The following CSGALNACT1 variants were observed in gnomAD, a reference collection of about 807,000 sequenced individuals.
CSGALNACT1 encodes beta4GalNAcT-1.
Under a neutral mutation model 51.0 loss-of-function variants are expected in CSGALNACT1, and 52 were observed. The ratio of observed to expected loss-of-function variants is 1.02; its 90% confidence interval spans 0.82 to 1.29. The LOEUF (loss-of-function observed/expected upper bound fraction) is 1.29. Ranked by LOEUF, CSGALNACT1 falls within the 50% of genes most tolerant of loss-of-function variation. The pLI is 0.00. For synonymous variants in CSGALNACT1, 341 were observed against 254.4 expected (o/e 1.34, Z -3.24); for missense variants, 935 against 679.2 (o/e 1.38, Z -4.19).
intron 1 of CSGALNACT1, among the ~76,000 whole-genome samples, chr8:19,710,412 G>A (rs2062431999): frequency 6.6e-6 from 1 of 152,152 alleles, no homozygotes; most frequent in Non-Finnish European, 1.5e-5. Flanking sequence ...AAAAGAAATA[G>A]ATCGCCTTAA....
intron 4 of CSGALNACT1, among the ~76,000 whole-genome samples, chr8:19,468,290 AT>A (rs2067195237): frequency 6.6e-6 from 1 of 152,206 alleles, no homozygotes; most frequent in Non-Finnish European, 1.5e-5. Flanking sequence ...CCAGCTTGTT[AT>A]GTTTGGCCAC....
chr8:19,687,203 G>C (rs1255985441), upstream of CSGALNACT1, among the ~76,000 whole-genome samples: 3 of 152,072 alleles, frequency 2.0e-5, no homozygotes, highest in Non-Finnish European at 2.9e-5. Context: ...AACCACCAAT[G>C]AGCTTTTTCT....
chr8:19,405,954 G>C, exon 10 of CSGALNACT1: 3 of 1,614,194 alleles, frequency 1.9e-6, no homozygotes, highest in South Asian at 1.1e-5. Context: ...TCTCATGCCA[G>C]AGGTGGAAGA....
chr8:19,652,436 C>A (rs549150711), intron 1 of CSGALNACT1, among the ~76,000 whole-genome samples: 1 of 152,008 alleles, frequency 6.6e-6, no homozygotes, highest in Admixed American at 6.5e-5. Context: ...TAGATGCATC[C>A]CCACCTGTCT....
intron 3 of CSGALNACT1, among the ~76,000 whole-genome samples, chr8:19,537,592 C>G (rs111619922): frequency 0.012 from 1,844 of 152,320 alleles, 37 homozygotes; most frequent in African/African-American, 0.042. Context: ...CCTTCCAAGC[C>G]TACAGGATGG....
chr8:19,756,788 G>A (rs1000084529), intron 1 of CSGALNACT1, among the ~76,000 whole-genome samples: 1 of 152,220 alleles, frequency 6.6e-6, no homozygotes, highest in Non-Finnish European at 1.5e-5. Context: ...TCATCGCGCG[G>A]CACGTGGAAA....
chr8:19,505,839 G>A (rs764124956), exon 4 of CSGALNACT1: 56 of 1,609,192 alleles, frequency 3.5e-5, no homozygotes, highest in African/African-American at 6.7e-5. Context: ...CATCATTCAG[G>A]AATCAGCCAT....
intron 3 of CSGALNACT1, among the ~76,000 whole-genome samples, chr8:19,559,832 G>A (rs1481152572): frequency 2.0e-5 from 3 of 152,158 alleles, no homozygotes; most frequent in Non-Finnish European, 4.4e-5. Context: ...TGAACTTATA[G>A]AATCAATACA....
intron 1 of CSGALNACT1, among the ~76,000 whole-genome samples, chr8:19,750,805 C>T (rs917067475): frequency 1.8e-4 from 27 of 152,188 alleles, no homozygotes; most frequent in Non-Finnish European, 1.2e-4. Context: ...TAGATGAATG[C>T]ATGAATGGCT....
At chr8:19,524,247 T>A (rs952190947) in intron 3 of CSGALNACT1, among the ~76,000 whole-genome samples, 2 of 152,062 alleles carry the variant, frequency 1.3e-5, no homozygotes, top group African/African-American at 2.4e-5. Flanking sequence ...GATCACACCA[T>A]CTCACCCCAG....
chr8:19,436,039 C>G (rs2060319134), intron 6 of CSGALNACT1, among the ~76,000 whole-genome samples: 2 of 152,144 alleles, frequency 1.3e-5, no homozygotes, highest in African/African-American at 4.8e-5. Flanking sequence ...TCTAATAAAT[C>G]ACAAACTGGT....
intron 3 of CSGALNACT1, among the ~76,000 whole-genome samples, chr8:19,509,613 C>T (rs1054696423): frequency 9.2e-6 from 1 of 109,238 alleles, no homozygotes; most frequent in Non-Finnish European, 1.7e-5. Context: ...CAGTGCAAGA[C>T]TCTGTCTCAA....
chr8:19,513,674 C>G (rs1161738112), intron 3 of CSGALNACT1, among the ~76,000 whole-genome samples: 1 of 151,788 alleles, frequency 6.6e-6, no homozygotes, highest in East Asian at 1.9e-4. Flanking sequence ...TGTATTTTCA[C>G]AAAGCTAGAT....
chr8:19,532,272 C>A (rs572347729), intron 3 of CSGALNACT1, among the ~76,000 whole-genome samples: 1 of 152,096 alleles, frequency 6.6e-6, no homozygotes, highest in African/African-American at 2.4e-5. Context: ...GCTTCTTTAT[C>A]CAAGCTATAC....
rs114072415 is a variant in CSGALNACT1, at chr8:19,611,635, C to G, written c.-543-9770G>C. Among the ~76,000 whole-genome samples, 1,290 of 152,300 alleles carry G rather than the reference C, an allele frequency of 8.5e-3. 16 individuals are homozygous for G. The highest frequency in any genetic ancestry group is 0.029 in the African/African-American group (1,207 of 41,556). On this transcript the variant is annotated intron_variant, in intron 1 of 9. Transcript: ENST00000332246. Reference sequence around the variant, plus strand: ...CAGGTGGTCTGAATGCAGAGTCGAACTCTTGAAATTAAACTTCTGGCCCTC... The same window carrying G: ...CAGGTGGTCTGAATGCAGAGTCGAAGTCTTGAAATTAAACTTCTGGCCCTC...
chr8:19,495,791 A>T (rs534953955), intron 4 of CSGALNACT1, among the ~76,000 whole-genome samples: 1 of 152,334 alleles, frequency 6.6e-6, no homozygotes, highest in Admixed American at 6.5e-5. Flanking sequence ...AGGTGATGAT[A>T]AAGAGAGAAG....
rs564951945 is a variant in CSGALNACT1 at position 19,578,095 on chromosome 8, G to A, written c.-297+13065C>T. On this transcript the variant is annotated intron_variant, in intron 3 of 9. Transcript: ENST00000454498. The stretch of plus-strand genomic sequence containing the variant: ...ATGTTCCAGATCAGCTGCAACCTTC[G>A]TGGTCCAGGCGCAGGTGGCACCGCA... 4.8e-4 allele frequency among the ~76,000 whole-genome samples: 73 copies of A among 152,308 alleles called. 1 individual carries two copies. The highest frequency in any genetic ancestry group is 6.8e-3 in the Middle Eastern group (2 of 294).
At chr8:19,439,346 G>A (rs2060924046) in intron 6 of CSGALNACT1, among the ~76,000 whole-genome samples, 2 of 152,302 alleles carry the variant, frequency 1.3e-5, no homozygotes, top group Non-Finnish European at 2.9e-5. Context: ...TCCCCTGAAT[G>A]TCTTAAAATA....
At chr8:19,737,162 G>A (rs1445899770) in intron 1 of CSGALNACT1, among the ~76,000 whole-genome samples, 3 of 152,028 alleles carry the variant, frequency 2.0e-5, no homozygotes, top group African/African-American at 7.2e-5. Context: ...TGAAAGCTTA[G>A]AATAAAATGA....
Sources: gnomAD v4.1 joint callset for allele counts (sites outside exome capture counted in the v4.1 genomes callset) on GRCh38, gnomAD v4.1.1 for gene constraint, MANE v1.5 for transcripts, NCBI Gene and HGNC (gene_info 2026-07-23, HGNC 2026-07-21) for gene names.